The following TUBE1 variants were observed in gnomAD, a reference collection of about 807,000 sequenced individuals.
TUBE1 encodes the protein tubulin epsilon 1.
A neutral mutation model predicts 53.5 loss-of-function variants in TUBE1; 34 were observed. That is an observed-to-expected ratio of 0.64 (90% CI 0.48 to 0.85). TUBE1 has a LOEUF of 0.85. Among genes scored for constraint, TUBE1 ranks in the 40% least tolerant of loss-of-function variants. The pLI is 0.00. For missense variants in TUBE1, 532 were observed against 570.5 expected (o/e 0.93, Z 0.69); for synonymous variants, 177 against 198.4 (o/e 0.89, Z 0.91).
intron 7 of TUBE1, 25 bp downstream of exon 7, chr6:112,076,297 C>T (rs1776966888): frequency 1.3e-6 from 2 of 1,534,220 alleles, no homozygotes; most frequent in African/African-American, 2.8e-5. Context: ...AACATTTATT[C>T]ATAAGTTCCA....
chr6:112,075,893 C>A, intron 8 of TUBE1, 44 bp downstream of exon 8: 1 of 1,489,392 alleles, frequency 6.7e-7, no homozygotes, highest in South Asian at 1.4e-5. Context: ...AAAATATCTC[C>A]AAAAGCACAA....
intron 3 of TUBE1, chr6:112,085,349 GCT>G (rs1554317172): frequency 6.1e-6 from 1 of 163,192 alleles, no homozygotes; most frequent in Non-Finnish European, 1.3e-5. Flanking sequence ...AAATAATAGT[GCT>G]CTCAGGTTAA....
At chr6:112,080,591 A>C (rs1367122452) in intron 5 of TUBE1, among the ~76,000 whole-genome samples, 3 of 152,098 alleles carry the variant, frequency 2.0e-5, no homozygotes, top group Non-Finnish European at 4.4e-5. Flanking sequence ...AATTTCTAAA[A>C]AACAGCAACA....
rs1255358788 is a variant in TUBE1 at position 112,084,056 on chromosome 6, A to C, written c.210+133T>G. The C allele has an allele frequency of 1.2e-5, 8 of 695,366 alleles. No individual in the cohort carries two copies. In the African/African-American group the frequency reaches 1.5e-4, roughly 13 times the overall value. 43.1% of individuals were successfully genotyped at this position (695,366 alleles called of 1,614,324 possible). A position where few individuals can be genotyped will look rare whatever the true frequency, so the allele number is the denominator to read the frequency against. On this transcript the variant is annotated intron_variant, in intron 4 of 11. Transcript: ENST00000368662. ...GGTGGACACAAATGTCTGCTTAGTT[A>C]TATTTATATTAAATGTGGCTTAGTA... is the stretch of plus-strand genomic sequence containing the variant.
rs1263417109 is a variant in TUBE1, at chr6:112,074,754, T to C, written c.909A>G (p.Leu303=). The C allele has an allele frequency of 6.2e-7, 1 of 1,607,430 alleles. No individual in the cohort carries two copies. Among genetic ancestry groups the C allele is most frequent in the African/African-American group, 1.3e-5 (1 of 74,724 alleles). ...FPQLHYLVSS[L]TPLYTLTDVN... is the part of the protein sequence containing the mutation. ...CATCTGTCAGTGTATACAGAGGTGTTAGGCTTGACACGAGATAATGAAGTT... is the reference window on the plus strand; with the variant it reads ...CATCTGTCAGTGTATACAGAGGTGTCAGGCTTGACACGAGATAATGAAGTT... Residue 303 remains leucine (L), a synonymous_variant, in exon 9 of 12, where the codon CTA becomes CTG. Coordinates refer to ENST00000368662, the MANE Select transcript of TUBE1 (RefSeq NM_016262.5).
chr6:112,085,168 C>T (rs2114493347), intron 3 of TUBE1, among the ~76,000 whole-genome samples: 1 of 152,268 alleles, frequency 6.6e-6, no homozygotes, highest in South Asian at 2.1e-4. Context: ...AGGTAAATTC[C>T]TATCATGCTA....
intron 3 of TUBE1, chr6:112,085,824 C>G (rs1777144004): frequency 2.5e-6 from 1 of 399,614 alleles, no homozygotes; most frequent in Non-Finnish European, 5.0e-6. Flanking sequence ...AGCACTGAAC[C>G]CATCTCGAGA....
chr6:112,078,802 A>G (rs897303528), intron 6 of TUBE1: 2 of 152,080 alleles, frequency 1.3e-5, no homozygotes, highest in Admixed American at 1.3e-4. Context: ...AGGATCTTTT[A>G]AAGACATGGT....
rs1554316716 is a variant in TUBE1, at chr6:112,081,186, C to T, written c.232G>A (p.Glu78Lys). ...TGCAGAATTTCATTCACTACCCCTT[C>T]TTCCATATCAATCAAGACTGCCTGA... ...KARAVLIDMEEGVVNEILQGP... is the reference protein window; with the variant it reads ...KARAVLIDMEKGVVNEILQGP... The change falls in exon 5 of 12, where the codon GAA (glutamate) becomes AAA (lysine). Residue 78 changes from glutamate (E) to lysine (K), a missense_variant. Physicochemically the swap from Glu to Lys is moderately conservative, Grantham distance 56. Transcript: ENST00000368662. 6.2e-7 allele frequency: 1 copy of T among 1,603,440 alleles called. No homozygotes were observed. The highest frequency in any genetic ancestry group is 1.1e-5 in the South Asian group (1 of 90,342).
intron 8 of TUBE1, 55 bp downstream of exon 8, chr6:112,075,882 C>A: frequency 6.9e-7 from 1 of 1,454,904 alleles, no homozygotes; most frequent in South Asian, 1.5e-5. Flanking sequence ...TACAAAAATT[C>A]AAAATATCTC....
At position 112,087,242 on chromosome 6, in the gene TUBE1, C is replaced by A. The variant is rs1554317484; in HGVS notation, c.90G>T (p.Ala30=). ...FWDLALREHA[A]VNQKGIYDEA... ...GGCGGCGGGCGGGTACCTGGTTGAC[C>A]GCGGCGTGCTCCCTTAGTGCCAGGT... is the stretch of plus-strand genomic sequence containing the variant. Residue 30 remains alanine, a synonymous_variant, in exon 2 of 12, where the codon GCG becomes GCT. Coordinates refer to ENST00000368662, the MANE Select transcript of TUBE1 (RefSeq NM_016262.5). 1.5e-5 allele frequency: 23 copies of A among 1,551,106 alleles called. No individual in the cohort carries two copies. Among genetic ancestry groups the A allele is most frequent in the Non-Finnish European group, 2.0e-5 (23 of 1,146,914 alleles).
intron 9 of TUBE1, among the ~76,000 whole-genome samples, chr6:112,073,102 T>C (rs1373784447): frequency 7.1e-6 from 1 of 141,306 alleles, no homozygotes; most frequent in Admixed American, 6.8e-5. Flanking sequence ...AGAAATCATA[T>C]AATATTTTCT....
At chr6:112,081,237 G>A in intron 4 of TUBE1, 30 bp from the exon 5 acceptor site, 1 of 1,259,068 alleles carries the variant, frequency 7.9e-7, no homozygotes, top group Non-Finnish European at 1.1e-6. Context: ...TATAATTAAT[G>A]TATTTTCTTT....
chr6:112,072,370 T>C (rs1776883916), intron 10 of TUBE1, among the ~76,000 whole-genome samples: 1 of 152,132 alleles, frequency 6.6e-6, no homozygotes, highest in Non-Finnish European at 1.5e-5. Context: ...ATGAAGGTAC[T>C]ACCATTTTCC....
chr6:112,071,355 C>A lies in TUBE1; in HGVS notation c.*57G>T. On this transcript the variant is annotated 3_prime_UTR_variant, in exon 12 of 12. Coordinates refer to ENST00000368662, the MANE Select transcript of TUBE1 (RefSeq NM_016262.5). ...TTTCCAAATTACAAAAATGTTGAAA[C>A]AGAAAGGTCAGAAAAAACAATGTGA... 3.6e-6 allele frequency: 5 copies of A among 1,392,492 alleles called. No individual in the cohort carries two copies. The highest frequency in any genetic ancestry group is 2.0e-5 in the South Asian group (1 of 50,570). The allele number at this position is 1,392,492 out of a possible 1,614,324, so 86.3% of individuals were successfully genotyped here.
intron 3 of TUBE1, 36 bp downstream of exon 3, chr6:112,086,520 A>G: frequency 6.6e-7 from 1 of 1,523,786 alleles, no homozygotes. Flanking sequence ...TGAAACTTAA[A>G]GTATCACACT....
intron 1 of TUBE1, 29 bp from the exon 2 acceptor site, chr6:112,087,335 A>AAT: frequency 6.4e-7 from 1 of 1,551,666 alleles, no homozygotes; most frequent in Non-Finnish European, 8.7e-7. Flanking sequence ...AAGGAAAGAG[A>AAT]ATAGGACATT....
rs1410893111 is a variant in TUBE1, at chr6:112,087,127, C to G, written c.99+106G>C. 3.3e-6 allele frequency: 3 copies of G among 918,878 alleles called. No individual in the cohort carries two copies. The African/African-American group carries it at 5.0e-5, about 15-fold the overall frequency. The allele number at this position is 918,878 out of a possible 1,614,324, so 56.9% of individuals were successfully genotyped here. On this transcript the variant is annotated intron_variant, in intron 2 of 11. Transcript: ENST00000368662. ...AGTACGTTCTTTACTGGGAAGATCC[C>G]ATGCATCTTAAACGGGTCAGATGAA...
In TUBE1 at chr6:112,079,836, T is replaced by A. The variant is rs587758554; in HGVS notation, c.327-82A>T. The stretch of plus-strand genomic sequence containing the variant: ...AGTTCTAATCTAAATAAAAGGATTT[T>A]AAACAAATTTGAAAAGTATTCTTAT... On this transcript the variant is annotated intron_variant, in intron 5 of 11. Transcript: ENST00000368662. 12 of 1,376,316 alleles carry A rather than the reference T, an allele frequency of 8.7e-6. No homozygotes were observed. In the African/African-American group the frequency reaches 1.7e-4, roughly 19 times the overall value. 85.3% of individuals were successfully genotyped at this position (1,376,316 alleles called of 1,614,324 possible).
Sources: allele counts gnomAD v4.1 joint callset (sites outside exome capture counted in the v4.1 genomes callset), GRCh38; gene constraint gnomAD v4.1.1; transcripts MANE v1.5; gene names NCBI Gene and HGNC (gene_info 2026-07-23, HGNC 2026-07-21).